Variants in NXPE2 observed in about 807,000 individuals in gnomAD.
NXPE2 encodes neurexophilin and PC-esterase domain family member 2, also known as NXPE family member 2.
NXPE2 carries 34 observed loss-of-function variants against 34.4 expected under a neutral mutation model. The ratio of observed to expected loss-of-function variants is 0.99; its 90% CI spans 0.75 to 1.31. NXPE2 has a LOEUF of 1.31. Among genes scored for constraint, NXPE2 ranks in the 40% most tolerant of loss-of-function variants. NXPE2 has a pLI of 0.00. For synonymous variants in NXPE2, 235 were observed against 231.3 expected (o/e 1.02, Z -0.15); for missense variants, 649 against 672.5 (o/e 0.97, Z 0.39).
chr11:114,492,563 G>A, the NXPE2 span, among the ~76,000 whole-genome samples: 1 of 150,964 alleles, frequency 6.6e-6, no homozygotes, highest in Non-Finnish European at 1.5e-5. Flanking sequence ...TTTTGACACG[G>A]AGTCTTGCTC....
the NXPE2 span, among the ~76,000 whole-genome samples, chr11:114,471,591 C>G: frequency 6.6e-6 from 1 of 152,152 alleles, no homozygotes; most frequent in East Asian, 1.9e-4. Flanking sequence ...GTGTAAACAA[C>G]AAGAAGCATA....
At chr11:114,544,964 A>G in the NXPE2 span, among the ~76,000 whole-genome samples, 455 of 152,314 alleles carry the variant, frequency 3.0e-3, 3 homozygotes, top group African/African-American at 0.011. Flanking sequence ...TATAAAAAAG[A>G]CACTCAATTT....
the NXPE2 span, among the ~76,000 whole-genome samples, chr11:114,766,209 T>C: frequency 0.024 from 3,723 of 152,266 alleles, 65 homozygotes; most frequent in Non-Finnish European, 0.039. Flanking sequence ...CAGGCTGTTA[T>C]GAACATAGCT....
chr11:114,576,997 A>G, the NXPE2 span, among the ~76,000 whole-genome samples: 2 of 79,912 alleles, frequency 2.5e-5, no homozygotes, highest in Non-Finnish European at 4.5e-5. Flanking sequence ...ATATACATAT[A>G]TATATATAAA....
the NXPE2 span, among the ~76,000 whole-genome samples, chr11:114,781,149 G>C: frequency 6.6e-6 from 1 of 152,156 alleles, no homozygotes; most frequent in African/African-American, 2.4e-5. Context: ...CACTGAGAAG[G>C]CTAGGAACAT....
the NXPE2 span, among the ~76,000 whole-genome samples, chr11:114,588,798 AC>A: frequency 6.6e-6 from 1 of 152,204 alleles, no homozygotes; most frequent in East Asian, 1.9e-4. Context: ...TGAAAGAAGC[AC>A]TAATAAAACA....
chr11:114,649,830 AT>A, the NXPE2 span, among the ~76,000 whole-genome samples: 5 of 152,190 alleles, frequency 3.3e-5, no homozygotes, highest in South Asian at 1.0e-3. Context: ...CCATGTTCAA[AT>A]ATGTACTTGA....
At chr11:114,533,212 C>T in the NXPE2 span, among the ~76,000 whole-genome samples, 1 of 152,088 alleles carries the variant, frequency 6.6e-6, no homozygotes. Flanking sequence ...CCAGAGTTAG[C>T]AAATTATTAG....
the NXPE2 span, among the ~76,000 whole-genome samples, chr11:114,552,568 A>G: frequency 6.6e-6 from 1 of 151,878 alleles, no homozygotes; most frequent in African/African-American, 2.4e-5. Flanking sequence ...TACAAAAAGC[A>G]TGTTCAATAG....
intron 2 of NXPE2, among the ~76,000 whole-genome samples, chr11:114,692,807 T>C (rs1951178094): frequency 6.6e-6 from 1 of 152,188 alleles, no homozygotes; most frequent in Admixed American, 6.5e-5. Flanking sequence ...CTTCTTTCTT[T>C]CTTTCTTTTT....
the NXPE2 span, among the ~76,000 whole-genome samples, chr11:114,506,313 G>A: frequency 6.6e-6 from 1 of 152,082 alleles, no homozygotes; most frequent in African/African-American, 2.4e-5. Context: ...GACAGTATTA[G>A]ACAGATCATT....
At chr11:114,551,227 C>G in the NXPE2 span, 1 of 1,468,690 alleles carries the variant, frequency 6.8e-7, no homozygotes, top group Non-Finnish European at 9.2e-7. Context: ...AGAGATGACA[C>G]AAGAGAGGAG....
At chr11:114,504,266 C>T in the NXPE2 span, among the ~76,000 whole-genome samples, 1 of 152,114 alleles carries the variant, frequency 6.6e-6, no homozygotes, top group Non-Finnish European at 1.5e-5. Flanking sequence ...AGCCAGAGCC[C>T]CACCCTTGCA....
chr11:114,650,796 T>C, the NXPE2 span, among the ~76,000 whole-genome samples: 2 of 152,012 alleles, frequency 1.3e-5, no homozygotes, highest in Admixed American at 6.6e-5. Flanking sequence ...AGACTCTCTC[T>C]AAGTTCCAGG....
At chr11:114,549,981 A>T in the NXPE2 span, among the ~76,000 whole-genome samples, 1 of 152,092 alleles carries the variant, frequency 6.6e-6, no homozygotes, top group African/African-American at 2.4e-5. Flanking sequence ...CAGCAAAATG[A>T]TAATAAAATA....
the NXPE2 span, among the ~76,000 whole-genome samples, chr11:114,505,862 C>T: frequency 6.6e-6 from 1 of 152,004 alleles, no homozygotes; most frequent in African/African-American, 2.4e-5. Flanking sequence ...AATTACATCC[C>T]CATATACCAA....
chr11:114,598,283 T>C, the NXPE2 span, among the ~76,000 whole-genome samples: 1 of 21,300 alleles, frequency 4.7e-5, no homozygotes, highest in Non-Finnish European at 9.8e-5. Context: ...GCTCTGCCCC[T>C]GTGGCTTTGT....
At chr11:114,528,308 C>T in the NXPE2 span, among the ~76,000 whole-genome samples, 2 of 152,166 alleles carry the variant, frequency 1.3e-5, no homozygotes, top group East Asian at 1.9e-4. Flanking sequence ...TTTTTCAATA[C>T]GACTGCCAGA....
chr11:114,657,586 G>A, the NXPE2 span, among the ~76,000 whole-genome samples: 1 of 151,760 alleles, frequency 6.6e-6, no homozygotes, highest in Admixed American at 6.6e-5. Context: ...CGTATAATAG[G>A]AAGGATGTAT....
Sources: allele counts gnomAD v4.1 joint callset (sites outside exome capture counted in the v4.1 genomes callset), GRCh38; gene constraint gnomAD v4.1.1; transcripts MANE v1.5; gene names NCBI Gene and HGNC (gene_info 2026-07-23, HGNC 2026-07-21).